The following SEMA5A variants were observed in gnomAD, a reference collection of about 807,000 sequenced individuals.
The protein encoded by SEMA5A is semaphorin-5A.
In SEMA5A, 55 loss-of-function variants were observed where a neutral mutation model predicts 135.5. The ratio of observed to expected loss-of-function variants is 0.41; its 90% confidence interval spans 0.33 to 0.51. SEMA5A has a LOEUF of 0.51. Ranked by LOEUF, SEMA5A falls within the 20% of genes least tolerant of loss-of-function variation. The pLI, the probability that SEMA5A is intolerant of heterozygous loss-of-function variation, is 0.37. For synonymous variants in SEMA5A, 580 were observed against 546.5 expected (o/e 1.06, Z -0.85); for missense variants, 1,290 against 1,419.9 (o/e 0.91, Z 1.47).
intron 5 of SEMA5A, among the ~76,000 whole-genome samples, chr5:9,291,118 T>C (rs531006189): frequency 2.8e-4 from 42 of 152,342 alleles, no homozygotes; most frequent in African/African-American, 8.4e-4. Flanking sequence ...ATCACTGCTA[T>C]TGACTCTAGA....
At chr5:9,221,074 C>G (rs557216071) in intron 8 of SEMA5A, among the ~76,000 whole-genome samples, 1 of 152,212 alleles carries the variant, frequency 6.6e-6, no homozygotes, top group East Asian at 1.9e-4. Flanking sequence ...CTTCACCACC[C>G]CATTGTAGCC....
Position 9,381,408 on chromosome 5 carries a change from T to C in SEMA5A, c.-77-1385A>G, listed in dbSNP as rs555403151. 2.0e-3 allele frequency among the ~76,000 whole-genome samples: 303 copies of C among 152,336 alleles called. 1 individual carries two copies. The highest frequency in any genetic ancestry group is 6.8e-3 in the African/African-American group (284 of 41,580). ...TTCCTCCCATTGAGAGCTGGATCTA[T>C]GTTCTCCACCTGGAATCTGGGTTGG... On this transcript the variant is annotated intron_variant, in intron 2 of 22. Coordinates refer to ENST00000382496, the MANE Select transcript of SEMA5A (RefSeq NM_003966.3).
intron 4 of SEMA5A, among the ~76,000 whole-genome samples, chr5:9,329,956 T>C (rs1439955150): frequency 2.0e-5 from 3 of 152,214 alleles, no homozygotes; most frequent in African/African-American, 2.4e-5. Context: ...CATATTGTTT[T>C]TATTGGTATC....
intron 5 of SEMA5A, among the ~76,000 whole-genome samples, chr5:9,257,452 T>C (rs916518196): frequency 6.6e-6 from 1 of 151,882 alleles, no homozygotes; most frequent in African/African-American, 2.4e-5. Context: ...TAGATCTTTT[T>C]TTTTTCCATT....
chr5:9,241,299 A>G (rs978973597), intron 5 of SEMA5A, among the ~76,000 whole-genome samples: 14 of 152,094 alleles, frequency 9.2e-5, no homozygotes, highest in African/African-American at 3.4e-4. Flanking sequence ...ACAAATATTC[A>G]TTAAGTACCT....
chr5:9,542,561 T>G (rs3798099), intron 1 of SEMA5A, among the ~76,000 whole-genome samples: 5,568 of 152,324 alleles, frequency 0.037, 163 homozygotes, highest in East Asian at 0.13. Context: ...TAATTTACAT[T>G]TTAAACATTA....
At chr5:9,227,736 G>C (rs930337238) in intron 6 of SEMA5A, among the ~76,000 whole-genome samples, 6 of 151,918 alleles carry the variant, frequency 3.9e-5, no homozygotes, top group Non-Finnish European at 8.8e-5. Flanking sequence ...ATTTTTAGTA[G>C]AGACAGGGTT....
At chr5:9,238,566 G>T (rs1579685805) in intron 5 of SEMA5A, among the ~76,000 whole-genome samples, 1 of 152,068 alleles carries the variant, frequency 6.6e-6, no homozygotes, top group Non-Finnish European at 1.5e-5. Flanking sequence ...TTCCACGTCT[G>T]ATGCTAACTC....
intron 16 of SEMA5A, among the ~76,000 whole-genome samples, chr5:9,088,218 C>T (rs1738811520): frequency 6.6e-6 from 1 of 151,442 alleles, no homozygotes; most frequent in South Asian, 2.1e-4. Flanking sequence ...GCAGGAGAAT[C>T]CCTTGAACCC....
chr5:9,405,385 T>A (rs1305434732), intron 2 of SEMA5A, among the ~76,000 whole-genome samples: 1 of 152,192 alleles, frequency 6.6e-6, no homozygotes, highest in Non-Finnish European at 1.5e-5. Context: ...CTTTCTTAAT[T>A]TTAAGCAATG....
intron 1 of SEMA5A, among the ~76,000 whole-genome samples, chr5:9,474,765 C>G (rs779442946): frequency 1.3e-5 from 2 of 152,138 alleles, no homozygotes; most frequent in Non-Finnish European, 2.9e-5. Context: ...CTCTACCCAC[C>G]TCTCCTGCCT....
intron 3 of SEMA5A, among the ~76,000 whole-genome samples, chr5:9,353,719 T>A (rs1291410919): frequency 6.6e-6 from 1 of 152,148 alleles, no homozygotes; most frequent in East Asian, 1.9e-4. Context: ...ATTACCCTCT[T>A]CACAAGTTGA....
chr5:9,353,130 A>G (rs1343537966), intron 3 of SEMA5A, among the ~76,000 whole-genome samples: 13 of 67,930 alleles, frequency 1.9e-4, no homozygotes, highest in African/African-American at 7.7e-4. Flanking sequence ...AGGAAAGGAA[A>G]GGAAAGGAAA....
chr5:9,286,200 C>G (rs1750787413), intron 5 of SEMA5A, among the ~76,000 whole-genome samples: 1 of 152,018 alleles, frequency 6.6e-6, no homozygotes, highest in East Asian at 1.9e-4. Flanking sequence ...CCATCTTTAA[C>G]ATTATAATAA....
chr5:9,318,919 C>A (rs1752506208), intron 4 of SEMA5A, among the ~76,000 whole-genome samples: 1 of 152,142 alleles, frequency 6.6e-6, no homozygotes, highest in African/African-American at 2.4e-5. Context: ...TGAACTTGGG[C>A]CCGGCATGGT....
At chr5:9,271,009 G>C (rs534448950) in intron 5 of SEMA5A, among the ~76,000 whole-genome samples, 41 of 152,192 alleles carry the variant, frequency 2.7e-4, no homozygotes, top group African/African-American at 9.9e-4. Context: ...ATACGGTTTT[G>C]TTCTCTGTCC....
chr5:9,515,057 T>C (rs116442571), intron 1 of SEMA5A, among the ~76,000 whole-genome samples: 3,528 of 152,308 alleles, frequency 0.023, 69 homozygotes, highest in Non-Finnish European at 0.039. Flanking sequence ...TATACTAAAC[T>C]ACATCATAGC....
intron 2 of SEMA5A, among the ~76,000 whole-genome samples, chr5:9,423,987 T>G (rs748956996): frequency 2.2e-4 from 34 of 152,128 alleles, no homozygotes; most frequent in Non-Finnish European, 4.0e-4. Context: ...ATTATAACAA[T>G]TAAAAGTGCA....
At chr5:9,067,964 CT>C (rs374780926) in intron 16 of SEMA5A, among the ~76,000 whole-genome samples, 30 of 151,068 alleles carry the variant, frequency 2.0e-4, no homozygotes, top group Non-Finnish European at 2.8e-4. Context: ...CCTTTTGTGT[CT>C]TTTTTTTTGG....
Sources: gnomAD v4.1 joint callset for allele counts (sites outside exome capture counted in the v4.1 genomes callset) on GRCh38, gnomAD v4.1.1 for gene constraint, MANE v1.5 for transcripts, NCBI Gene and HGNC (gene_info 2026-07-23, HGNC 2026-07-21) for gene names.